DYNC2I1: variants seen among roughly 807,000 people sequenced by gnomAD.
DYNC2I1 encodes cytoplasmic dynein 2 intermediate chain 1.
A neutral mutation model predicts 133.4 loss-of-function variants in DYNC2I1; 89 were observed. The observed-to-expected ratio is 0.67, with a 90% confidence interval of 0.56 to 0.80. The LOEUF is 0.80. Ranked by LOEUF, DYNC2I1 falls within the 30% of genes least tolerant of loss-of-function variation. DYNC2I1 has a pLI of 0.00. For missense variants in DYNC2I1, 1,291 were observed against 1,314.5 expected (o/e 0.98, Z 0.28); for synonymous variants, 504 against 484.3 (o/e 1.04, Z -0.54).
intron 4 of DYNC2I1, among the ~76,000 whole-genome samples, 184 bp downstream of exon 4, chr7:158,876,875 C>T (rs962421684): frequency 1.3e-5 from 2 of 152,136 alleles, no homozygotes; most frequent in Non-Finnish European, 2.9e-5. Context: ...TTTTCTGATT[C>T]CAAAGGTAGT....
intron 4 of DYNC2I1, among the ~76,000 whole-genome samples, chr7:158,953,917 T>A (rs1456034198): frequency 6.6e-6 from 1 of 152,092 alleles, no homozygotes; most frequent in African/African-American, 2.4e-5. Flanking sequence ...TACGTGTATA[T>A]TTGTATAAAA....
At position 158,906,140 on chromosome 7, in the gene DYNC2I1, C is replaced by T. The variant is rs372148543; in HGVS notation, c.1460+49C>T. 4.8e-4 allele frequency: 728 copies of T among 1,506,522 alleles called. 1 individual carries two copies. Among genetic ancestry groups the T allele is most frequent in the South Asian group, 1.0e-3 (86 of 82,814 alleles). The allele number at this position is 1,506,522 out of a possible 1,614,324, so 93.3% of individuals were successfully genotyped here. ...AAAGGTGTTCAGGGTTTTAGCTTAACTTTTCTTTCACATACTTTTAAAAAA... is the reference window on the plus strand; with the variant it reads ...AAAGGTGTTCAGGGTTTTAGCTTAATTTTTCTTTCACATACTTTTAAAAAA... On this transcript the variant is annotated intron_variant, in intron 11 of 24. Transcript: ENST00000407559.
chr7:158,884,010 A>C (rs1024663964), intron 5 of DYNC2I1, among the ~76,000 whole-genome samples: 1 of 146,194 alleles, frequency 6.8e-6, no homozygotes, highest in Non-Finnish European at 1.5e-5. Flanking sequence ...TCTCGTTGTT[A>C]TCCTATCTGC....
In DYNC2I1 at chr7:158,902,592, A is replaced by G; in HGVS notation, c.1354A>G (p.Thr452Ala). 4.3e-6 allele frequency: 7 copies of G among 1,613,220 alleles called. No individual in the cohort carries two copies. Among genetic ancestry groups the G allele is most frequent in the Non-Finnish European group, 5.9e-6 (7 of 1,179,696 alleles). ...AACAGAATTTGAAAAGGAGCCCAGG[A>G]CAGGTAAACAAATCAATGCTACTAA... ...GRTEFEKEPR[T>A]DTNSSPSRAS... The change falls in exon 10 of 25, where the codon ACA becomes GCA. Residue 452 changes from threonine to alanine, a missense_variant. Thr to Ala is a moderately conservative substitution (Grantham distance 58). Coordinates refer to ENST00000407559, the MANE Select transcript of DYNC2I1 (RefSeq NM_018051.5).
At chr7:158,862,420 T>C (rs1173425812) in intron 1 of DYNC2I1, among the ~76,000 whole-genome samples, 1 of 152,056 alleles carries the variant, frequency 6.6e-6, no homozygotes, top group Non-Finnish European at 1.5e-5. Context: ...GTGTATGACA[T>C]TGGTAGGTTA....
chr7:158,851,934 T>C (rs999929015), upstream of DYNC2I1, among the ~76,000 whole-genome samples: 1 of 152,192 alleles, frequency 6.6e-6, no homozygotes, highest in African/African-American at 2.4e-5. Context: ...ATTATTAATG[T>C]TATTTATCTC....
chr7:158,864,998 T>A (rs969271159), intron 1 of DYNC2I1, among the ~76,000 whole-genome samples: 1 of 152,176 alleles, frequency 6.6e-6, no homozygotes, highest in Non-Finnish European at 1.5e-5. Flanking sequence ...TGTCGGAGGT[T>A]ATGTGGCAGG....
chr7:158,887,660 T>A (rs998009572), intron 7 of DYNC2I1, among the ~76,000 whole-genome samples: 2 of 152,208 alleles, frequency 1.3e-5, no homozygotes, highest in African/African-American at 4.8e-5. Flanking sequence ...AGACCTATAG[T>A]GAGTCAAGAC....
chr7:158,901,616 C>T lies in DYNC2I1; in HGVS notation c.1060-123C>T, dbSNP rs1205398804. ...TAACATTATATTAGTTTTACAAATA[C>T]CTAGAGTTTAAAATTAGCAACATCA... On this transcript the variant is annotated intron_variant, in intron 8 of 24. Transcript: ENST00000407559. 6.1e-6 allele frequency: 4 copies of T among 660,408 alleles called. No homozygotes were observed. The East Asian group carries it at 1.2e-4, about 20-fold the overall frequency. 40.9% of individuals were successfully genotyped at this position (660,408 alleles called of 1,614,324 possible).
At chr7:158,896,374 A>G (rs559100417) in intron 8 of DYNC2I1, among the ~76,000 whole-genome samples, 167 of 152,312 alleles carry the variant, frequency 1.1e-3, no homozygotes, top group Admixed American at 2.2e-3. Flanking sequence ...TAGCCTGTTG[A>G]TTTGATGGAT....
chr7:158,904,930 G>A lies in DYNC2I1; in HGVS notation c.1358-1059G>A, dbSNP rs983087513. On this transcript the variant is annotated intron_variant, in intron 10 of 24. Transcript: ENST00000407559. ...AAAGGGCTCTGAGTTTCATAAAACCGTAAGACGGGAGGGCAAGTGCAAACC... is the reference window on the plus strand; with the variant it reads ...AAAGGGCTCTGAGTTTCATAAAACCATAAGACGGGAGGGCAAGTGCAAACC... 6.0e-5 allele frequency: 17 copies of A among 281,336 alleles called. No individual in the cohort carries two copies. In the Middle Eastern group the frequency reaches 7.7e-3, roughly 127 times the overall value. The allele number at this position is 281,336 out of a possible 1,614,324, so 17.4% of individuals were successfully genotyped here.
chr7:158,956,172 A>C (rs1168610564), intron 4 of DYNC2I1, among the ~76,000 whole-genome samples: 1 of 152,248 alleles, frequency 6.6e-6, no homozygotes, highest in African/African-American at 2.4e-5. Context: ...TTCCTGGGAC[A>C]CAGCCACGTG....
chr7:158,906,192 C>A (rs1846789081), intron 11 of DYNC2I1, 101 bp downstream of exon 11: 2 of 1,027,150 alleles, frequency 1.9e-6, no homozygotes, highest in Non-Finnish European at 1.4e-6. Flanking sequence ...ATTTTTACTA[C>A]TGTTTTTTGG....
At chr7:158,877,280 G>A (rs761736184) in intron 4 of DYNC2I1, among the ~76,000 whole-genome samples, 11 of 150,518 alleles carry the variant, frequency 7.3e-5, no homozygotes, top group African/African-American at 2.0e-4. Flanking sequence ...TGCTCTCCAG[G>A]CACCTGCGGT....
At chr7:158,926,828 A>G (rs1007926517) in intron 19 of DYNC2I1, among the ~76,000 whole-genome samples, 164 bp from the exon 20 acceptor site, 6 of 152,238 alleles carry the variant, frequency 3.9e-5, no homozygotes, top group Non-Finnish European at 8.8e-5. Context: ...AAAGGAGTCA[A>G]CTTGTAGAGT....
the DYNC2I1 span, among the ~76,000 whole-genome samples, chr7:158,844,923 A>G: frequency 1.3e-5 from 2 of 151,980 alleles, no homozygotes; most frequent in Non-Finnish European, 2.9e-5. Context: ...GCCCAGTCTA[A>G]TTGCTCTCGT....
Position 158,942,024 on chromosome 7 carries a change from C to T in DYNC2I1, c.2878C>T (p.Leu960=). The part of the protein sequence containing the change: ...SSTDSHAVTG[L]QWSPTRPAVF... ...CACGGACAGCCATGCGGTCACCGGC[C>T]TGCAGTGGTCCCCAACCAGGCCTGC... Residue 960 remains leucine, a synonymous_variant, in exon 24 of 25, where the codon CTG becomes TTG. Transcript: ENST00000407559. 1.2e-6 allele frequency: 2 copies of T among 1,613,526 alleles called. No individual in the cohort carries two copies. Among genetic ancestry groups the T allele is most frequent in the South Asian group, 1.1e-5 (1 of 91,032 alleles).
intron 1 of DYNC2I1, among the ~76,000 whole-genome samples, chr7:158,859,521 G>T (rs1841682581): frequency 6.6e-6 from 1 of 151,240 alleles, no homozygotes. Flanking sequence ...CATTTTTTTT[G>T]AGACAGAGTC....
Position 158,901,792 on chromosome 7 carries a change from A to T in DYNC2I1, c.1113A>T (p.Thr371=). Residue 371 remains threonine (T), a synonymous_variant, in exon 9 of 25, where the codon ACA becomes ACT. Coordinates refer to ENST00000407559, the MANE Select transcript of DYNC2I1 (RefSeq NM_018051.5). ...AAAATGCTAGAGCTGATGCATATAC[A>T]GCCAGTTGTGAAGATGATTTTGAAG... is the stretch of plus-strand genomic sequence containing the variant. ...DLENARADAY[T]ASCEDDFEDY... is the part of the protein sequence containing the mutation. The T allele has an allele frequency of 1.9e-6, 3 of 1,580,384 alleles. No individual in the cohort carries two copies. The highest frequency in any genetic ancestry group is 2.6e-6 in the Non-Finnish European group (3 of 1,163,016).
Sources: allele counts gnomAD v4.1 joint callset (sites outside exome capture counted in the v4.1 genomes callset), GRCh38; gene constraint gnomAD v4.1.1; transcripts MANE v1.5; gene names NCBI Gene and HGNC (gene_info 2026-07-23, HGNC 2026-07-21).